The following BACH2 variants were observed in gnomAD, a reference collection of about 807,000 sequenced individuals.
The protein encoded by BACH2 is BACH transcriptional regulator 2.
BACH2 carries 5 observed loss-of-function variants against 61.8 expected under a neutral mutation model. The observed-to-expected ratio is 0.08, with a 90% CI of 0.04 to 0.17. The LOEUF (loss-of-function observed/expected upper bound fraction) is 0.17, where lower values mean the gene tolerates loss of function less well. Among genes scored for constraint, BACH2 ranks in the 10% least tolerant of loss-of-function variants. The probability of loss-of-function intolerance (pLI) is 1.00; values close to 1 mark genes in which losing one functional copy is unlikely to be tolerated. For missense variants in BACH2, 824 were observed against 1,091.1 expected (o/e 0.76, Z 3.45); for synonymous variants, 446 against 440.1 (o/e 1.01, Z -0.17).
chr6:90,243,836 A>T (rs1189092287), intron 3 of BACH2, among the ~76,000 whole-genome samples: 2 of 152,246 alleles, frequency 1.3e-5, no homozygotes, highest in Non-Finnish European at 2.9e-5. Flanking sequence ...AACCATTAGA[A>T]GGCATCTACC....
chr6:89,937,770 A>T (rs1773114757), intron 8 of BACH2, among the ~76,000 whole-genome samples: 1 of 152,164 alleles, frequency 6.6e-6, no homozygotes, highest in Admixed American at 6.5e-5. Flanking sequence ...ACCTCAAGTG[A>T]TCCACCCGCC....
chr6:89,967,055 T>G (rs1042817063), intron 6 of BACH2, among the ~76,000 whole-genome samples: 2 of 152,132 alleles, frequency 1.3e-5, no homozygotes, highest in African/African-American at 4.8e-5. Flanking sequence ...AGAAAGAAAT[T>G]TCTAACAATG....
chr6:90,122,976 T>G (rs1783693745), intron 4 of BACH2, among the ~76,000 whole-genome samples: 1 of 152,220 alleles, frequency 6.6e-6, no homozygotes, highest in Non-Finnish European at 1.5e-5. Flanking sequence ...ACTTCAAAAC[T>G]GTTGTTGAAT....
At chr6:90,030,624 G>A (rs1463347457) in intron 5 of BACH2, among the ~76,000 whole-genome samples, 1 of 152,026 alleles carries the variant, frequency 6.6e-6, no homozygotes, top group African/African-American at 2.4e-5. Flanking sequence ...TAAATTCCTT[G>A]ACACATACAC....
At chr6:90,270,077 C>T (rs1771471206) in intron 2 of BACH2, among the ~76,000 whole-genome samples, 1 of 152,086 alleles carries the variant, frequency 6.6e-6, no homozygotes, top group Non-Finnish European at 1.5e-5. Context: ...CTTTTTATGG[C>T]TGAGTAGTAT....
chr6:90,206,274 T>C (rs1769141147), intron 4 of BACH2, among the ~76,000 whole-genome samples: 1 of 152,162 alleles, frequency 6.6e-6, no homozygotes, highest in Admixed American at 6.5e-5. Context: ...CCAGGAAATC[T>C]AGCCCCAGAG....
At chr6:90,050,643 T>C (rs1779999626) in intron 5 of BACH2, among the ~76,000 whole-genome samples, 1 of 152,236 alleles carries the variant, frequency 6.6e-6, no homozygotes, top group African/African-American at 2.4e-5. Context: ...TTATTCATGT[T>C]AACATGTAGT....
At chr6:90,249,650 T>C (rs1582531581) in intron 3 of BACH2, among the ~76,000 whole-genome samples, 2 of 152,158 alleles carry the variant, frequency 1.3e-5, no homozygotes, top group Non-Finnish European at 1.5e-5. Context: ...TGCGTGCCTA[T>C]AGTCTCAACT....
chr6:89,962,849 A>G (rs1241502442), intron 6 of BACH2, among the ~76,000 whole-genome samples: 9 of 152,224 alleles, frequency 5.9e-5, no homozygotes, highest in Non-Finnish European at 1.2e-4. Flanking sequence ...ACAAGAAACA[A>G]AAGCAAAAAT....
intron 4 of BACH2, among the ~76,000 whole-genome samples, chr6:90,198,072 C>A (rs974119986): frequency 6.6e-6 from 1 of 152,192 alleles, no homozygotes; most frequent in African/African-American, 2.4e-5. Context: ...ACAGCTCTGC[C>A]TGTTATGTAA....
chr6:90,130,485 C>T (rs1190708215), intron 4 of BACH2, among the ~76,000 whole-genome samples: 2 of 152,188 alleles, frequency 1.3e-5, no homozygotes, highest in Non-Finnish European at 2.9e-5. Flanking sequence ...TAGAGTATGA[C>T]CCTGAGCGTG....
At position 90,182,804 on chromosome 6, in the gene BACH2, C is replaced by A. The variant is rs1165541471; in HGVS notation, c.-162+23765G>T. 2.0e-5 allele frequency among the ~76,000 whole-genome samples: 3 copies of A among 152,312 alleles called. No individual in the cohort carries two copies. The East Asian group carries it at 5.8e-4, about 29-fold the overall frequency. On this transcript the variant is annotated intron_variant, in intron 4 of 8. Coordinates refer to ENST00000257749, the MANE Select transcript of BACH2 (RefSeq NM_021813.4). ...AGAGGCTACACCTCACACAGCGGAT[C>A]TTCACTCTCGCCTTTCCCCAACTCA...
At chr6:90,050,342 T>C (rs75527795) in intron 5 of BACH2, among the ~76,000 whole-genome samples, 1,922 of 152,312 alleles carry the variant, frequency 0.013, 40 homozygotes, top group African/African-American at 0.044. Flanking sequence ...ATATTGCAAC[T>C]AACTTTTAAG....
chr6:90,025,138 G>A (rs1385964375), intron 5 of BACH2, among the ~76,000 whole-genome samples: 3 of 152,196 alleles, frequency 2.0e-5, no homozygotes, highest in African/African-American at 7.2e-5. Context: ...CCCATGTCAG[G>A]CCATCCAAGG....
chr6:90,093,194 T>C (rs1226163125), intron 4 of BACH2, among the ~76,000 whole-genome samples: 1 of 152,182 alleles, frequency 6.6e-6, no homozygotes, highest in East Asian at 1.9e-4. Flanking sequence ...CAAGTAAGTA[T>C]ATACCAGCTG....
At chr6:89,937,655 G>A (rs756781021) in intron 8 of BACH2, among the ~76,000 whole-genome samples, 1 of 151,970 alleles carries the variant, frequency 6.6e-6, no homozygotes, top group Non-Finnish European at 1.5e-5. Flanking sequence ...TCAGCCTCCC[G>A]AATAGCTGGG....
chr6:89,937,598 C>T (rs1315984400), intron 8 of BACH2, among the ~76,000 whole-genome samples: 3 of 152,024 alleles, frequency 2.0e-5, no homozygotes, highest in African/African-American at 7.2e-5. Context: ...GGCGTGATCT[C>T]CACTCACTGC....
At chr6:90,243,864 C>T (rs1225722055) in intron 3 of BACH2, among the ~76,000 whole-genome samples, 1 of 152,170 alleles carries the variant, frequency 6.6e-6, no homozygotes, top group Non-Finnish European at 1.5e-5. Flanking sequence ...AGTAAAATTT[C>T]ATTGATTGGA....
intron 4 of BACH2, among the ~76,000 whole-genome samples, chr6:90,143,876 C>T (rs1285872427): frequency 4.6e-5 from 7 of 152,168 alleles, no homozygotes; most frequent in Admixed American, 4.6e-4. Flanking sequence ...CTGCTCAACA[C>T]TCATAATCAT....
Sources: gnomAD v4.1 joint callset for allele counts (sites outside exome capture counted in the v4.1 genomes callset) on GRCh38, gnomAD v4.1.1 for gene constraint, MANE v1.5 for transcripts, NCBI Gene and HGNC (gene_info 2026-07-23, HGNC 2026-07-21) for gene names.